Variants in PAQR5 observed in about 807,000 individuals in gnomAD.
PAQR5 encodes membrane progestin receptor gamma.
Under a neutral mutation model 34.5 loss-of-function variants are expected in PAQR5, and 20 were observed. That is an observed-to-expected ratio of 0.58 (90% CI 0.41 to 0.84). The LOEUF (loss-of-function observed/expected upper bound fraction) is 0.84, where lower values mean the gene tolerates loss of function less well. Among genes scored for constraint, PAQR5 ranks in the 40% least tolerant of loss-of-function variants. PAQR5 has a pLI of 0.00. For synonymous variants in PAQR5, 131 were observed against 155.6 expected (o/e 0.84, Z 1.18); for missense variants, 378 against 412.7 (o/e 0.92, Z 0.73).
At chr15:69,335,487 T>C (rs960157294) in intron 1 of PAQR5, among the ~76,000 whole-genome samples, 2 of 149,358 alleles carry the variant, frequency 1.3e-5, no homozygotes, top group East Asian at 4.1e-4. Context: ...TCAGGTGATC[T>C]GCCCGCCTCG....
At chr15:69,336,131 G>T (rs898655134) in intron 1 of PAQR5, among the ~76,000 whole-genome samples, 13 of 152,088 alleles carry the variant, frequency 8.5e-5, no homozygotes, top group African/African-American at 2.7e-4. Flanking sequence ...CAGAGTAAAG[G>T]CTTTCTTTTT....
chr15:69,344,261 C>T (rs1027260563), intron 2 of PAQR5, among the ~76,000 whole-genome samples: 3 of 152,226 alleles, frequency 2.0e-5, no homozygotes, highest in Admixed American at 6.5e-5. Flanking sequence ...ATTGACTCTT[C>T]CCTAAAGTGT....
chr15:69,366,575 A>G (rs1163285048), intron 3 of PAQR5, among the ~76,000 whole-genome samples: 1 of 152,172 alleles, frequency 6.6e-6, no homozygotes, highest in Non-Finnish European at 1.5e-5. Flanking sequence ...TGCCCCCTGT[A>G]TTATTCCAAT....
At chr15:69,367,118 T>C (rs1400100644) in intron 3 of PAQR5, among the ~76,000 whole-genome samples, 1 of 152,200 alleles carries the variant, frequency 6.6e-6, no homozygotes, top group Non-Finnish European at 1.5e-5. Context: ...AGTTTGACAA[T>C]ATTTGTTTTT....
intron 2 of PAQR5, among the ~76,000 whole-genome samples, chr15:69,346,014 G>A (rs547426670): frequency 6.6e-6 from 1 of 152,314 alleles, no homozygotes; most frequent in Non-Finnish European, 1.5e-5. Flanking sequence ...GAGCTTTACA[G>A]TTATGTTTTG....
In PAQR5 at chr15:69,405,029, A is replaced by G. The variant is rs2056734380; in HGVS notation, c.*1207A>G. 1 of 398,450 alleles carries G rather than the reference A, an allele frequency of 2.5e-6. No individual in the cohort carries two copies. Among genetic ancestry groups the G allele is most frequent in the Admixed American group, 4.4e-5 (1 of 22,714 alleles). 24.7% of individuals were successfully genotyped at this position (398,450 alleles called of 1,614,324 possible). On this transcript the variant is annotated 3_prime_UTR_variant, in exon 9 of 9. Transcript: ENST00000395407. ...TTTCGCCTGATCTCAAGTTTTAGCA[A>G]CTCACCAACTAAGGCGTAACCTCAT... is the stretch of plus-strand genomic sequence containing the variant.
intron 4 of PAQR5, among the ~76,000 whole-genome samples, chr15:69,382,240 C>T (rs1040911337): frequency 2.6e-5 from 4 of 152,040 alleles, no homozygotes; most frequent in Non-Finnish European, 4.4e-5. Flanking sequence ...GGACAAACCA[C>T]GGGGATGGTG....
rs1159036611 is a variant in PAQR5, at chr15:69,338,168, T to A, written c.-116+667T>A. Among the ~76,000 whole-genome samples the A allele has an allele frequency of 2.0e-5, 3 of 152,204 alleles. No homozygotes were observed. The East Asian group carries it at 5.8e-4, about 29-fold the overall frequency. On this transcript the variant is annotated intron_variant, in intron 2 of 8. Coordinates refer to ENST00000395407, the MANE Select transcript of PAQR5 (RefSeq NM_017705.4). ...TAAGGCTACCAGGTACCCAGACGGA[T>A]GCATGTCTGGACAAGAAGCCCCTCC...
At chr15:69,389,956 G>A (rs547461043) in intron 6 of PAQR5, among the ~76,000 whole-genome samples, 176 bp downstream of exon 6, 1 of 152,332 alleles carries the variant, frequency 6.6e-6, no homozygotes, top group Admixed American at 6.5e-5. Context: ...GGGCACGCAA[G>A]CTCCAGGCCT....
At chr15:69,325,154 C>T (rs2054219653) in intron 1 of PAQR5, among the ~76,000 whole-genome samples, 1 of 152,218 alleles carries the variant, frequency 6.6e-6, no homozygotes, top group Non-Finnish European at 1.5e-5. Context: ...CCAGCTCAGC[C>T]TCCCAGTGTG....
chr15:69,355,258 G>A (rs1233685921), intron 2 of PAQR5, among the ~76,000 whole-genome samples: 2 of 151,858 alleles, frequency 1.3e-5, no homozygotes, highest in African/African-American at 4.8e-5. Context: ...TAATACAGGA[G>A]TATATTTGTC....
chr15:69,312,548 G>A (rs977588660), intron 1 of PAQR5, among the ~76,000 whole-genome samples: 4 of 151,370 alleles, frequency 2.6e-5, no homozygotes, highest in African/African-American at 4.9e-5. Context: ...TCACAGCAGC[G>A]GGGGAACTTC....
chr15:69,326,962 T>C (rs1376489578), intron 1 of PAQR5, among the ~76,000 whole-genome samples: 1 of 152,128 alleles, frequency 6.6e-6, no homozygotes, highest in African/African-American at 2.4e-5. Context: ...AAATGCTTAA[T>C]GTCATGTTTC....
chr15:69,400,035 T>A lies in PAQR5; in HGVS notation c.671T>A (p.Met224Lys). Reference sequence around the variant, plus strand: ...GCCACCTCGTACCACCAGAAGCACATGATCATGACCCTCCTGGCCTCTTTC... The same window carrying A: ...GCCACCTCGTACCACCAGAAGCACAAGATCATGACCCTCCTGGCCTCTTTC... ...NEATSYHQKH[M>K]IMTLLASFLY... Residue 224 changes from methionine (M) to lysine (K), a missense_variant, in exon 8 of 9, where the codon ATG (methionine) becomes AAG (lysine). Coordinates refer to ENST00000395407, the MANE Select transcript of PAQR5 (RefSeq NM_017705.4). 1 of 1,614,172 alleles carries A rather than the reference T, an allele frequency of 6.2e-7. No individual in the cohort carries two copies. Among genetic ancestry groups the A allele is most frequent in the Non-Finnish European group, 8.5e-7 (1 of 1,179,980 alleles).
chr15:69,364,584 ATTG>A (rs1033866693), intron 3 of PAQR5, among the ~76,000 whole-genome samples: 29 of 122,876 alleles, frequency 2.4e-4, no homozygotes, highest in African/African-American at 1.0e-3. Flanking sequence ...GCATCTTTGT[ATTG>A]TTCTTGGTTT....
intron 1 of PAQR5, among the ~76,000 whole-genome samples, chr15:69,308,556 T>TC (rs2053765912): frequency 6.6e-6 from 1 of 151,932 alleles, no homozygotes; most frequent in African/African-American, 2.4e-5. Context: ...ACACACCCCC[T>TC]CCCTGCTTGT....
intron 3 of PAQR5, 146 bp downstream of exon 3, chr15:69,360,277 A>C (rs2055198238): frequency 1.8e-6 from 1 of 557,348 alleles, no homozygotes; most frequent in Admixed American, 3.2e-5. Context: ...CTTGGGGGAT[A>C]TTACAGCCTC....
At chr15:69,359,491 A>G (rs2055175771) in intron 2 of PAQR5, among the ~76,000 whole-genome samples, 1 of 152,034 alleles carries the variant, frequency 6.6e-6, no homozygotes, top group Admixed American at 6.6e-5. Flanking sequence ...GTCGTGATTG[A>G]TTGATCGAGC....
chr15:69,338,063 C>A (rs2054552683), intron 2 of PAQR5, among the ~76,000 whole-genome samples: 2 of 152,124 alleles, frequency 1.3e-5, no homozygotes, highest in African/African-American at 4.8e-5. Context: ...GGTGACAGAG[C>A]AAGACTCTGT....
Sources: allele counts gnomAD v4.1 joint callset (sites outside exome capture counted in the v4.1 genomes callset), GRCh38; gene constraint gnomAD v4.1.1; transcripts MANE v1.5; gene names NCBI Gene and HGNC (gene_info 2026-07-23, HGNC 2026-07-21).